The following MRPL13 variants were observed in gnomAD, a reference collection of about 807,000 sequenced individuals.
MRPL13 encodes large ribosomal subunit protein uL13m.
A neutral mutation model predicts 29.0 loss-of-function variants in MRPL13; 33 were observed. That is an observed-to-expected ratio of 1.14 (90% CI 0.86 to 1.52). The LOEUF (loss-of-function observed/expected upper bound fraction) is 1.52. MRPL13 is among the 40% of genes most tolerant of loss of function. MRPL13 has a pLI of 0.00. For missense variants in MRPL13, 227 were observed against 216.7 expected, an observed-to-expected ratio of 1.05 and a Z score of -0.30; for synonymous variants, 77 against 68.4, an observed-to-expected ratio of 1.13 and a Z score of -0.62.
At chr8:120,422,952 T>C (rs940353518) in intron 4 of MRPL13, among the ~76,000 whole-genome samples, 1 of 151,990 alleles carries the variant, frequency 6.6e-6, no homozygotes, top group African/African-American at 2.4e-5. Flanking sequence ...TGAGCAGATA[T>C]TATAAATTGC....
intron 6 of MRPL13, among the ~76,000 whole-genome samples, chr8:120,408,655 CT>C (rs1252180192): frequency 6.6e-6 from 1 of 152,178 alleles, no homozygotes; most frequent in African/African-American, 2.4e-5. Flanking sequence ...TATGGAAAAT[CT>C]TAAAGCTGTC....
intron 2 of MRPL13, among the ~76,000 whole-genome samples, chr8:120,439,649 T>C (rs1222340060): frequency 6.6e-6 from 1 of 152,164 alleles, no homozygotes; most frequent in African/African-American, 2.4e-5. Context: ...CTGGCAAGCA[T>C]CTATTATGGG....
At chr8:120,435,926 T>C (rs1813049260) in intron 2 of MRPL13, among the ~76,000 whole-genome samples, 2 of 152,192 alleles carry the variant, frequency 1.3e-5, no homozygotes, top group Non-Finnish European at 1.5e-5. Flanking sequence ...GTAAGTCTTC[T>C]TTTGAAGTGT....
At chr8:120,424,840 G>T (rs1298054782) in intron 4 of MRPL13, among the ~76,000 whole-genome samples, 1 of 151,942 alleles carries the variant, frequency 6.6e-6, no homozygotes, top group Non-Finnish European at 1.5e-5. Context: ...ATTTTTTCCA[G>T]AATAAAATGG....
At chr8:120,442,131 C>G (rs574867935) in intron 2 of MRPL13, among the ~76,000 whole-genome samples, 1 of 152,104 alleles carries the variant, frequency 6.6e-6, no homozygotes, top group Non-Finnish European at 1.5e-5. Context: ...TATTTGTCAT[C>G]GAGAAAATGC....
intron 1 of MRPL13, among the ~76,000 whole-genome samples, chr8:120,443,814 A>G (rs1433941436): frequency 6.6e-6 from 1 of 152,132 alleles, no homozygotes; most frequent in African/African-American, 2.4e-5. Context: ...AAATAGAACA[A>G]TGTAGTTGGG....
chr8:120,401,445 TTC>T (rs1257885309), intron 6 of MRPL13, among the ~76,000 whole-genome samples: 1 of 152,150 alleles, frequency 6.6e-6, no homozygotes, highest in African/African-American at 2.4e-5. Flanking sequence ...TTTGATAAAA[TTC>T]AACATCCTTT....
At chr8:120,435,441 T>C (rs899917006) in intron 2 of MRPL13, among the ~76,000 whole-genome samples, 4 of 152,160 alleles carry the variant, frequency 2.6e-5, no homozygotes, top group African/African-American at 9.7e-5. Flanking sequence ...CTCCCACTTA[T>C]AAGTGAGAAC....
chr8:120,400,812 T>A (rs903428291), intron 6 of MRPL13, among the ~76,000 whole-genome samples: 6 of 151,690 alleles, frequency 4.0e-5, no homozygotes, highest in African/African-American at 1.5e-4. Context: ...TCAGAAATGA[T>A]AAGGGGGTAT....
intron 6 of MRPL13, among the ~76,000 whole-genome samples, chr8:120,403,472 G>A (rs945489645): frequency 5.3e-5 from 8 of 151,874 alleles, no homozygotes; most frequent in African/African-American, 1.9e-4. Flanking sequence ...GGGGAACAAC[G>A]CACAATGCAG....
rs1812773705 is a variant in MRPL13 at position 120,414,064 on chromosome 8, G to C, written c.442C>G (p.Pro148Ala). 1 of 1,599,770 alleles carries C rather than the reference G, an allele frequency of 6.3e-7. No homozygotes were observed. The highest frequency in any genetic ancestry group is 1.1e-5 in the South Asian group (1 of 87,106). Residue 148 changes from proline (P) to alanine (A), a missense_variant, in exon 6 of 7, where the codon CCA becomes GCA. Physicochemically the swap from Pro to Ala is conservative, Grantham distance 27. Coordinates refer to ENST00000306185, the MANE Select transcript of MRPL13 (RefSeq NM_014078.6). ...TCTAGACGTTTAGGTATTTTTCGTG[G>C]TTGAGGAAGCTCCTCTACTAAATTC... ...LKNLVEELPQ[P>A]RKIPKRLDEY...
At chr8:120,435,929 T>G (rs570653165) in intron 2 of MRPL13, among the ~76,000 whole-genome samples, 1 of 152,178 alleles carries the variant, frequency 6.6e-6, no homozygotes, top group Non-Finnish European at 1.5e-5. Context: ...AGTCTTCTTT[T>G]GAAGTGTCTC....
chr8:120,433,276 G>A (rs1161034481), intron 2 of MRPL13, among the ~76,000 whole-genome samples: 2 of 151,984 alleles, frequency 1.3e-5, no homozygotes, highest in East Asian at 3.9e-4. Context: ...AAATAAAGAA[G>A]GTGGGAAGAT....
chr8:120,430,390 T>C (rs1249348930), intron 3 of MRPL13, among the ~76,000 whole-genome samples: 1 of 152,220 alleles, frequency 6.6e-6, no homozygotes, highest in African/African-American at 2.4e-5. Flanking sequence ...TTTAAACTTC[T>C]CTATATTTTC....
At chr8:120,397,728 A>G (rs7844850) in intron 6 of MRPL13, among the ~76,000 whole-genome samples, 85,490 of 151,818 alleles carry the variant, frequency 0.56, 25,942 homozygotes, top group Non-Finnish European at 0.67. Flanking sequence ...TCCCTGGGAT[A>G]GAGCCCTGGG....
At chr8:120,401,657 A>G (rs889347682) in intron 6 of MRPL13, among the ~76,000 whole-genome samples, 1 of 152,208 alleles carries the variant, frequency 6.6e-6, no homozygotes, top group Non-Finnish European at 1.5e-5. Flanking sequence ...GGCCAGGGCA[A>G]TCAGGCAAGA....
chr8:120,423,525 C>T (rs982217870), intron 4 of MRPL13, among the ~76,000 whole-genome samples: 20 of 151,980 alleles, frequency 1.3e-4, no homozygotes, highest in South Asian at 2.1e-4. Flanking sequence ...ACAATTAAAT[C>T]GACATCTGAT....
intron 2 of MRPL13, among the ~76,000 whole-genome samples, chr8:120,439,522 C>G (rs1813093250): frequency 6.6e-6 from 1 of 152,098 alleles, no homozygotes; most frequent in African/African-American, 2.4e-5. Context: ...CTCCGTATTT[C>G]CCCCCAGAAG....
chr8:120,408,600 T>C (rs1353056645), intron 6 of MRPL13, among the ~76,000 whole-genome samples: 1 of 152,152 alleles, frequency 6.6e-6, no homozygotes, highest in Non-Finnish European at 1.5e-5. Flanking sequence ...CAAATTAAGT[T>C]AAATTGTGTG....
Sources: allele counts gnomAD v4.1 joint callset (sites outside exome capture counted in the v4.1 genomes callset), GRCh38; gene constraint gnomAD v4.1.1; transcripts MANE v1.5; gene names NCBI Gene and HGNC (gene_info 2026-07-23, HGNC 2026-07-21).